Variants in THSD7A observed in about 807,000 individuals in gnomAD.
THSD7A encodes thrombospondin type-1 domain-containing protein 7A.
Under a neutral mutation model 231.3 loss-of-function variants are expected in THSD7A, and 96 were observed. That is an observed-to-expected ratio of 0.41 (90% CI 0.35 to 0.49). THSD7A has a LOEUF of 0.49. Ranked by LOEUF, THSD7A falls within the 20% of genes least tolerant of loss-of-function variation. The pLI, the probability that THSD7A is intolerant of heterozygous loss-of-function variation, is 0.05. For synonymous variants in THSD7A, 940 were observed against 743.3 expected, an observed-to-expected ratio of 1.26 and a Z score of -4.30; for missense variants, 2,290 against 2,070.2, an observed-to-expected ratio of 1.11 and a Z score of -2.06.
At chr7:11,765,255 C>T (rs908680747) in intron 1 of THSD7A, among the ~76,000 whole-genome samples, 3 of 152,126 alleles carry the variant, frequency 2.0e-5, no homozygotes, top group Admixed American at 6.5e-5. Flanking sequence ...CTCATACATA[C>T]ATGAACTTGT....
intron 1 of THSD7A, among the ~76,000 whole-genome samples, chr7:11,763,542 G>A (rs1782931990): frequency 6.6e-6 from 1 of 151,996 alleles, no homozygotes; most frequent in Non-Finnish European, 1.5e-5. Context: ...CTGTGTATAT[G>A]TATTTTACAT....
At chr7:11,639,038 T>C (rs889677888) in intron 1 of THSD7A, among the ~76,000 whole-genome samples, 2 of 152,074 alleles carry the variant, frequency 1.3e-5, no homozygotes, top group Admixed American at 6.6e-5. Flanking sequence ...AACAAAACAG[T>C]GGTCCTTATT....
At chr7:11,420,527 A>G (rs1784108855) in intron 16 of THSD7A, among the ~76,000 whole-genome samples, 1 of 152,226 alleles carries the variant, frequency 6.6e-6, no homozygotes, top group Admixed American at 6.5e-5. Context: ...ATGTATGGAA[A>G]TGCCTGGATG....
At chr7:11,659,277 T>G (rs1352241575) in intron 1 of THSD7A, among the ~76,000 whole-genome samples, 1 of 151,588 alleles carries the variant, frequency 6.6e-6, no homozygotes, top group East Asian at 1.9e-4. Flanking sequence ...TTTGTCCACT[T>G]CTCATCTGTT....
chr7:11,462,772 A>T (rs1441170157), intron 9 of THSD7A, among the ~76,000 whole-genome samples: 1 of 151,972 alleles, frequency 6.6e-6, no homozygotes, highest in Non-Finnish European at 1.5e-5. Flanking sequence ...AGAAGCAGTC[A>T]AAATAGCAAT....
rs62433367 is a variant in THSD7A, at chr7:11,689,830, G to T, written c.191-52869C>A. On this transcript the variant is annotated intron_variant, in intron 1 of 27. Transcript: ENST00000423059. ...ATTAGTTAAAAAAAAAAAAAAAAAG[G>T]CAAGTTTGGACAAAGACCACAAAGC... 4.5e-5 allele frequency among the ~76,000 whole-genome samples: 6 copies of T among 132,762 alleles called. No homozygotes were observed. The South Asian group carries it at 1.3e-3, about 29-fold the overall frequency. 87.1% of individuals were successfully genotyped at this position (132,762 alleles called of 152,430 possible).
chr7:11,666,904 A>G (rs1783156474), intron 1 of THSD7A, among the ~76,000 whole-genome samples: 1 of 152,072 alleles, frequency 6.6e-6, no homozygotes. Context: ...TTTCTGATTT[A>G]ATGCAAGCAT....
intron 6 of THSD7A, among the ~76,000 whole-genome samples, chr7:11,488,308 T>C (rs1786746542): frequency 6.6e-6 from 1 of 152,118 alleles, no homozygotes; most frequent in Non-Finnish European, 1.5e-5. Context: ...CAATAAAAGT[T>C]TACAAAAGAA....
intron 9 of THSD7A, among the ~76,000 whole-genome samples, chr7:11,464,785 T>C (rs776730914): frequency 1.2e-3 from 190 of 152,096 alleles, no homozygotes; most frequent in Non-Finnish European, 1.5e-4. Flanking sequence ...AGAGAAGACG[T>C]TTAATGGGGT....
chr7:11,795,846 C>G (rs1001753404), intron 1 of THSD7A, among the ~76,000 whole-genome samples: 1 of 151,156 alleles, frequency 6.6e-6, no homozygotes, highest in Non-Finnish European at 1.5e-5. Flanking sequence ...AAGATCCAAG[C>G]GAGGAGTCAG....
At chr7:11,512,833 C>T (rs917212311) in intron 6 of THSD7A, among the ~76,000 whole-genome samples, 4 of 149,864 alleles carry the variant, frequency 2.7e-5, no homozygotes, top group East Asian at 2.0e-4. Flanking sequence ...ATGTAAATGA[C>T]GAGTTAAGGG....
At chr7:11,777,296 G>C (rs1011532168) in intron 1 of THSD7A, among the ~76,000 whole-genome samples, 4 of 151,968 alleles carry the variant, frequency 2.6e-5, no homozygotes, top group African/African-American at 9.7e-5. Flanking sequence ...AAGAGATAAT[G>C]CTCACATATT....
At chr7:11,507,588 T>G (rs909125187) in intron 6 of THSD7A, among the ~76,000 whole-genome samples, 6 of 125,080 alleles carry the variant, frequency 4.8e-5, no homozygotes, top group Non-Finnish European at 9.9e-5. Flanking sequence ...GACTCTTCCA[T>G]GAAATAATGT....
chr7:11,783,488 T>C (rs1435411904), intron 1 of THSD7A, among the ~76,000 whole-genome samples: 2 of 152,194 alleles, frequency 1.3e-5, no homozygotes, highest in Non-Finnish European at 2.9e-5. Flanking sequence ...GTATACCATT[T>C]GGTCATCCCA....
Position 11,462,026 on chromosome 7 carries a change from G to T in THSD7A, c.2486C>A (p.Ala829Glu). 1 of 1,613,548 alleles carries T rather than the reference G, an allele frequency of 6.2e-7. No homozygotes were observed. The highest frequency in any genetic ancestry group is 8.5e-7 in the Non-Finnish European group (1 of 1,179,604). The change falls in exon 10 of 28, where the codon GCG (alanine) becomes GAG (glutamate). Residue 829 changes from alanine to glutamate, a missense_variant. By Grantham distance (107) the Ala-to-Glu change is moderately radical (BLOSUM62 -1). Coordinates refer to ENST00000423059, the MANE Select transcript of THSD7A (RefSeq NM_015204.3). Reference sequence around the variant, plus strand: ...CTAACCCTACCTGTAGCTTTGGCACGCTTGAGGTGCCTCACAGGCCTTCTC... The same window carrying T: ...CTAACCCTACCTGTAGCTTTGGCACTCTTGAGGTGCCTCACAGGCCTTCTC... The part of the protein sequence containing the change: ...YEEKACEAPQ[A>E]CQSYRWKTHK...
chr7:11,438,000 T>C (rs1784686973), intron 13 of THSD7A, among the ~76,000 whole-genome samples: 1 of 147,394 alleles, frequency 6.8e-6, no homozygotes, highest in Non-Finnish European at 1.5e-5. Context: ...TCATCCACGA[T>C]GTATTCCTTT....
intron 9 of THSD7A, among the ~76,000 whole-genome samples, chr7:11,469,531 C>T (rs1309496208): frequency 6.6e-6 from 1 of 152,040 alleles, no homozygotes; most frequent in Non-Finnish European, 1.5e-5. Context: ...GGATGAAAGC[C>T]ATGTGTACTG....
At chr7:11,484,746 T>C (rs1414147877) in intron 6 of THSD7A, among the ~76,000 whole-genome samples, 1 of 152,118 alleles carries the variant, frequency 6.6e-6, no homozygotes, top group Admixed American at 6.6e-5. Context: ...AAGCACAGTA[T>C]TTCTTGTCAT....
intron 2 of THSD7A, among the ~76,000 whole-genome samples, chr7:11,606,166 G>A (rs1386420694): frequency 2.0e-5 from 3 of 152,096 alleles, no homozygotes; most frequent in Admixed American, 2.0e-4. Context: ...AAATTGCTGT[G>A]GCATCCATGT....
Sources: allele counts gnomAD v4.1 joint callset (sites outside exome capture counted in the v4.1 genomes callset), GRCh38; gene constraint gnomAD v4.1.1; transcripts MANE v1.5; gene names NCBI Gene and HGNC (gene_info 2026-07-23, HGNC 2026-07-21).